Variants in PSMA1 observed in about 807,000 individuals in gnomAD.
The protein encoded by PSMA1 is proteasome subunit alpha type-1.
A neutral mutation model predicts 38.4 loss-of-function variants in PSMA1; 3 were observed. The ratio of observed to expected loss-of-function variants is 0.08; its 90% CI spans 0.04 to 0.20. The LOEUF (loss-of-function observed/expected upper bound fraction) is 0.20, where lower values mean the gene tolerates loss of function less well. PSMA1 is among the 10% of genes least tolerant of loss of function. The pLI, the probability that PSMA1 is intolerant of heterozygous loss-of-function variation, is 1.00. For missense variants in PSMA1, 227 were observed against 325.3 expected (o/e 0.70, Z 2.32); for synonymous variants, 101 against 107.1 (o/e 0.94, Z 0.35).
chr11:14,625,594 T>C (rs1488972434), intron 1 of PSMA1, among the ~76,000 whole-genome samples: 1 of 152,360 alleles, frequency 6.6e-6, no homozygotes, highest in Middle Eastern at 3.4e-3. Flanking sequence ...AAGGGTATAA[T>C]GTAGGCCCAT....
intron 8 of PSMA1, among the ~76,000 whole-genome samples, chr11:14,509,169 G>A (rs1277504009): frequency 3.3e-5 from 5 of 152,032 alleles, no homozygotes; most frequent in Non-Finnish European, 5.9e-5. Context: ...TTACATGTCC[G>A]CAACTGACTG....
Position 14,546,132 on chromosome 11 carries a change from TTCTC to T in PSMA1, c.22-27095_22-27092del, listed in dbSNP as rs556789029. On this transcript the variant is annotated intron_variant, in intron 2 of 10. Coordinates refer to the PSMA1 transcript ENST00000418988. ...AGTCTCTTGTTACCTAATTCTACCT[TTCTC>T]TCTCTCTCTCTCTCTTTTTTTTTTT... is the stretch of plus-strand genomic sequence containing the variant. 7.3e-3 allele frequency among the ~76,000 whole-genome samples: 1,096 copies of T among 150,062 alleles called. 10 individuals are homozygous for T. The highest frequency in any genetic ancestry group is 0.02 in the African/African-American group (841 of 41,154).
At chr11:14,563,878 A>T (rs1043267055) in intron 2 of PSMA1, among the ~76,000 whole-genome samples, 3 of 152,192 alleles carry the variant, frequency 2.0e-5, no homozygotes, top group African/African-American at 7.2e-5. Flanking sequence ...TTTGAAATTT[A>T]GGTGCAATTT....
chr11:14,524,992 A>C (rs1379676697), upstream of PSMA1, among the ~76,000 whole-genome samples: 1 of 151,906 alleles, frequency 6.6e-6, no homozygotes, highest in African/African-American at 2.4e-5. Flanking sequence ...CTGGACCATC[A>C]CACTTACAGT....
chr11:14,571,203 C>G (rs1183007861), intron 2 of PSMA1, among the ~76,000 whole-genome samples: 1 of 152,210 alleles, frequency 6.6e-6, no homozygotes, highest in African/African-American at 2.4e-5. Context: ...GCTGGGACTA[C>G]AGGAACCCAC....
At chr11:14,520,108 A>G (rs1589981208) in intron 1 of PSMA1, 189 bp downstream of exon 1, 20 of 864,434 alleles carry the variant, frequency 2.3e-5, no homozygotes, top group Non-Finnish European at 3.5e-5. Context: ...GAAAGGCCGC[A>G]CTGGCTACCG....
intron 1 of PSMA1, among the ~76,000 whole-genome samples, chr11:14,628,935 T>C (rs1470825661): frequency 1.3e-5 from 2 of 151,528 alleles, no homozygotes; most frequent in African/African-American, 4.9e-5. Flanking sequence ...GAGCATTTTT[T>C]CATGTGTTTT....
intron 2 of PSMA1, among the ~76,000 whole-genome samples, chr11:14,581,898 C>T (rs769857428): frequency 2.6e-5 from 4 of 152,226 alleles, no homozygotes; most frequent in Non-Finnish European, 4.4e-5. Flanking sequence ...CATTTCCACA[C>T]AACTTAGTAA....
At chr11:14,629,366 A>G (rs1325279506) in intron 1 of PSMA1, among the ~76,000 whole-genome samples, 1 of 152,202 alleles carries the variant, frequency 6.6e-6, no homozygotes, top group Admixed American at 6.5e-5. Context: ...GAAGGGATCC[A>G]GTTTCAGCTT....
At chr11:14,520,579 A>G, upstream of PSMA1, 2 of 980,300 alleles carry the variant, frequency 2.0e-6, no homozygotes, top group East Asian at 2.9e-5. Context: ...GCTGCGGGGC[A>G]GCCCCTGTCA....
intron 1 of PSMA1, among the ~76,000 whole-genome samples, chr11:14,638,533 CTCTCTCTCTCTCTATATATATATA>C (rs1434770732): frequency 7.7e-3 from 223 of 28,888 alleles, no homozygotes; most frequent in Admixed American, 9.2e-3. Context: ...CTCTCTCTCT[CTCTCTCTCTCTCTATATATATATA>C]TATATATATA....
At chr11:14,542,791 A>G (rs1161175295) in intron 2 of PSMA1, among the ~76,000 whole-genome samples, 1 of 152,194 alleles carries the variant, frequency 6.6e-6, no homozygotes, top group Non-Finnish European at 1.5e-5. Context: ...AGAGTTCTTC[A>G]CTTTTTCTGT....
intron 2 of PSMA1, among the ~76,000 whole-genome samples, chr11:14,576,112 A>G (rs1338698207): frequency 6.6e-6 from 1 of 150,994 alleles, no homozygotes; most frequent in Admixed American, 6.6e-5. Context: ...GGGTTGTTTG[A>G]TTTTTTCTTG....
intron 2 of PSMA1, among the ~76,000 whole-genome samples, chr11:14,578,498 G>A (rs1852246117): frequency 6.6e-6 from 1 of 152,224 alleles, no homozygotes; most frequent in Admixed American, 6.5e-5. Flanking sequence ...TAGCTAGGAA[G>A]AAGACTAACT....
chr11:14,532,399 G>A (rs1177577218), intron 2 of PSMA1, among the ~76,000 whole-genome samples: 4 of 151,888 alleles, frequency 2.6e-5, no homozygotes, highest in Non-Finnish European at 5.9e-5. Flanking sequence ...GAGATCAGGA[G>A]TTCGAGATCA....
intron 2 of PSMA1, among the ~76,000 whole-genome samples, chr11:14,560,064 G>A (rs919065701): frequency 6.6e-6 from 1 of 152,168 alleles, no homozygotes; most frequent in African/African-American, 2.4e-5. Flanking sequence ...CTATGAACTT[G>A]GGCAAGGTGA....
At chr11:14,554,303 A>G (rs565100413) in intron 2 of PSMA1, among the ~76,000 whole-genome samples, 2 of 152,248 alleles carry the variant, frequency 1.3e-5, no homozygotes, top group East Asian at 3.9e-4. Flanking sequence ...TTACAGAGCA[A>G]AAGTTTTAAG....
intron 1 of PSMA1, among the ~76,000 whole-genome samples, chr11:14,519,419 G>A (rs986777728): frequency 5.3e-5 from 8 of 152,132 alleles, no homozygotes; most frequent in African/African-American, 1.9e-4. Flanking sequence ...TAGCTTAAAT[G>A]TCGATTTCTT....
intron 2 of PSMA1, among the ~76,000 whole-genome samples, chr11:14,604,306 C>T (rs895641226): frequency 6.6e-6 from 1 of 152,176 alleles, no homozygotes; most frequent in African/African-American, 2.4e-5. Context: ...AAATGATCCA[C>T]CCACCTCGGC....
Sources: allele counts gnomAD v4.1 joint callset (sites outside exome capture counted in the v4.1 genomes callset), GRCh38; gene constraint gnomAD v4.1.1; transcripts MANE v1.5; gene names NCBI Gene and HGNC (gene_info 2026-07-23, HGNC 2026-07-21).